The following KIAA1755 variants were observed in gnomAD, a reference collection of about 807,000 sequenced individuals.
KIAA1755 encodes uncharacterized protein KIAA1755.
KIAA1755 carries 68 observed loss-of-function variants against 91.7 expected under a neutral mutation model. The ratio of observed to expected loss-of-function variants is 0.74; its 90% CI spans 0.61 to 0.91. KIAA1755 has a LOEUF of 0.91. Among genes scored for constraint, KIAA1755 ranks in the 40% least tolerant of loss-of-function variants. The pLI is 0.00. For missense variants in KIAA1755, 1,535 were observed against 1,494.4 expected (o/e 1.03, Z -0.45); for synonymous variants, 610 against 604.6 (o/e 1.01, Z -0.13).
chr20:38,248,234 AT>A (rs1282618529), intron 1 of KIAA1755, among the ~76,000 whole-genome samples: 2 of 152,214 alleles, frequency 1.3e-5, no homozygotes, highest in African/African-American at 2.4e-5. Flanking sequence ...ATAAAATAAA[AT>A]AATAAATAAA....
At chr20:38,246,258 C>A in intron 1 of KIAA1755, 132 bp from the exon 2 acceptor site, 1 of 711,884 alleles carries the variant, frequency 1.4e-6, no homozygotes, top group Non-Finnish European at 2.3e-6. Context: ...CCCCACCCCC[C>A]TCACTCATCA....
rs146908582 is a variant in KIAA1755 at position 38,212,820 on chromosome 20, C to T, written c.*222G>A. The T allele has an allele frequency of 7.1e-4, 344 of 487,478 alleles. No individual in the cohort carries two copies. Among genetic ancestry groups the T allele is most frequent in the African/African-American group, 3.8e-3 (201 of 52,828 alleles). 30.2% of individuals were successfully genotyped at this position (487,478 alleles called of 1,614,324 possible). On this transcript the variant is annotated 3_prime_UTR_variant, in exon 14 of 14. Coordinates refer to ENST00000279024, the MANE Select transcript of KIAA1755 (RefSeq NM_001029864.2). ...ACCATTTATTGTGCCCTGGTTCTGA[C>T]GCCCACTCTTGCTATTCTGCATGGG...
intron 8 of KIAA1755, 25 bp downstream of exon 8, chr20:38,225,640 G>A (rs2075742637): frequency 3.6e-6 from 5 of 1,404,638 alleles, no homozygotes; most frequent in African/African-American, 2.8e-5. Context: ...GGGGGTCAGG[G>A]GCTAAAGGCT....
At chr20:38,260,347 G>T (rs763033754) in intron 1 of KIAA1755, 151 bp downstream of exon 1, 43 of 1,573,634 alleles carry the variant, frequency 2.7e-5, no homozygotes, top group Non-Finnish European at 3.5e-5. Context: ...CCCTGCTGGG[G>T]TGGAAGCAGG....
chr20:38,240,457 G>A, intron 3 of KIAA1755, 125 bp downstream of exon 3: 1 of 949,840 alleles, frequency 1.1e-6, no homozygotes, highest in Non-Finnish European at 1.5e-6. Flanking sequence ...ATGCCACACT[G>A]TATACTAAAC....
At chr20:38,222,916 A>G in intron 9 of KIAA1755, 1 of 426,370 alleles carries the variant, frequency 2.3e-6, no homozygotes, top group Non-Finnish European at 4.4e-6. Flanking sequence ...TGCAAATCTG[A>G]TAACCCCTGG....
chr20:38,225,711 T>A lies in KIAA1755; in HGVS notation c.2123A>T (p.Glu708Val). 6.2e-7 allele frequency: 1 copy of A among 1,612,696 alleles called. No individual in the cohort carries two copies. Residue 708 changes from glutamate to valine, a missense_variant, in exon 8 of 14, where the codon GAA (glutamate) becomes GTA (valine). Glu to Val is a moderately radical substitution (Grantham distance 121). Transcript: ENST00000279024. ...VDPSQLPAVL[E>V]GPFPYCHTEW... ...GGTGTGGCAGTAGGGGAAGGGGCCT[T>A]CCAGGACTGCGGGCAGCTGGCTGGG... is the stretch of plus-strand genomic sequence containing the variant.
At position 38,245,544 on chromosome 20, in the gene KIAA1755, G is replaced by T. The variant is rs560526057; in HGVS notation, c.201+385C>A. On this transcript the variant is annotated intron_variant, in intron 2 of 13. Transcript: ENST00000279024. The stretch of plus-strand genomic sequence containing the variant: ...AAGCAAGAGTCCTGATGCCTCAGGG[G>T]CTCCAGGGAAGCTCTAGGACCTTCT... Among the ~76,000 whole-genome samples, 150 of 152,336 alleles carry T rather than the reference G, an allele frequency of 9.8e-4. 2 individuals carry two copies. Among genetic ancestry groups the T allele is most frequent in the African/African-American group, 3.5e-3 (145 of 41,572 alleles).
In KIAA1755 at chr20:38,213,217, T is replaced by C. The variant is rs765581912; in HGVS notation, c.3428A>G (p.His1143Arg). ...CTCGCGGGCAGGGTCAGGCAGCTTG[T>C]GGGAGCCTTTGCCGTCTTCAGCCTC... Reference protein sequence around the residue: ...AAEAEDGKGSHKLPDPAREHL... With the variant: ...AAEAEDGKGSRKLPDPAREHL... Residue 1143 changes from histidine to arginine, a missense_variant, in exon 14 of 14, where the codon CAC becomes CGC. Coordinates refer to ENST00000279024, the MANE Select transcript of KIAA1755 (RefSeq NM_001029864.2). 3 of 1,613,340 alleles carry C rather than the reference T, an allele frequency of 1.9e-6. No homozygotes were observed. The highest frequency in any genetic ancestry group is 2.5e-6 in the Non-Finnish European group (3 of 1,180,000).
chr20:38,227,638 A>C (rs535715333), intron 6 of KIAA1755, among the ~76,000 whole-genome samples: 1 of 152,208 alleles, frequency 6.6e-6, no homozygotes, highest in Non-Finnish European at 1.5e-5. Flanking sequence ...TGAGCCAATC[A>C]GTGTGTTGCA....
At chr20:38,224,929 C>T (rs2075728578) in intron 8 of KIAA1755, among the ~76,000 whole-genome samples, 1 of 152,178 alleles carries the variant, frequency 6.6e-6, no homozygotes, top group Admixed American at 6.5e-5. Context: ...TAGGAGGGAA[C>T]CAGACCCTGA....
chr20:38,219,503 G>A, intron 11 of KIAA1755, 127 bp downstream of exon 11: 1 of 1,307,940 alleles, frequency 7.6e-7, no homozygotes, highest in Non-Finnish European at 1.1e-6. Context: ...GGCCTTTGAA[G>A]GATCGCCAGC....
At position 38,260,575 on chromosome 20, in the gene KIAA1755, G is replaced by A. The variant is rs940689348; in HGVS notation, c.-75C>T. The stretch of plus-strand genomic sequence containing the variant: ...GGTCTGTGGGTCCGCGGGTCCGTCT[G>A]TCTGGGGCAGCCCTCGGTCCCGCCT... On this transcript the variant is annotated 5_prime_UTR_variant, in exon 1 of 14. Coordinates refer to ENST00000279024, the MANE Select transcript of KIAA1755 (RefSeq NM_001029864.2). 8.8e-6 allele frequency: 13 copies of A among 1,472,044 alleles called. No homozygotes were observed. Among genetic ancestry groups the A allele is most frequent in the Non-Finnish European group, 1.2e-5 (13 of 1,114,084 alleles). The allele number at this position is 1,472,044 out of a possible 1,614,324, so 91.2% of individuals were successfully genotyped here.
chr20:38,254,963 T>C (rs1374416099), intron 1 of KIAA1755, among the ~76,000 whole-genome samples: 4 of 151,472 alleles, frequency 2.6e-5, no homozygotes, highest in Admixed American at 2.6e-4. Context: ...GATCACCTGA[T>C]GTCAGGAGTT....
chr20:38,235,225 C>T (rs912036747), intron 4 of KIAA1755, among the ~76,000 whole-genome samples: 3 of 152,146 alleles, frequency 2.0e-5, no homozygotes, highest in Admixed American at 6.5e-5. Flanking sequence ...CAACTGAGAG[C>T]TCAGGGTGAG....
At chr20:38,248,152 C>G (rs1393177123) in intron 1 of KIAA1755, among the ~76,000 whole-genome samples, 1 of 152,212 alleles carries the variant, frequency 6.6e-6, no homozygotes, top group Non-Finnish European at 1.5e-5. Flanking sequence ...TTGCTTGAAC[C>G]TGGGAGATGG....
chr20:38,240,816 T>A lies in KIAA1755; in HGVS notation c.1315A>T (p.Ile439Leu). The change falls in exon 3 of 14, where the codon ATA becomes TTA. Residue 439 changes from isoleucine to leucine, a missense_variant. Coordinates refer to ENST00000279024, the MANE Select transcript of KIAA1755 (RefSeq NM_001029864.2). ...TTTCTCTCTTTGGTCTTCACCTCTA[T>A]CTTTGTTTCAGAGGCTGCAGCTGCA... ...SPAAAASETK[I>L]EVKTKERNGR... 2 of 1,613,902 alleles carry A rather than the reference T, an allele frequency of 1.2e-6. No homozygotes were observed. Among genetic ancestry groups the A allele is most frequent in the Non-Finnish European group, 1.7e-6 (2 of 1,179,912 alleles).
In KIAA1755 at chr20:38,246,143, G is replaced by T; in HGVS notation, c.4-17C>A. The T allele has an allele frequency of 6.2e-7, 1 of 1,604,910 alleles. No homozygotes were observed. Among genetic ancestry groups the T allele is most frequent in the South Asian group, 1.1e-5 (1 of 90,554 alleles). ...TGGAGGGTCCTGTGGGGGACAGGAG[G>T]AGGGGGTGATAATAGCAATGATAAT... On this transcript the variant is annotated splice_polypyrimidine_tract_variant and intron_variant, in intron 1 of 13. Transcript: ENST00000279024.
Position 38,241,893 on chromosome 20 carries a change from A to G in KIAA1755, c.238T>C (p.Trp80Arg). ...ACTTCATCCCTCAGACAGAGTGGCC[A>G]GCCCTCGTGTAAGAAGAGGCAGTGT... ...YSHCLFLHEG[W>R]PLCLRDEVVV... Residue 80 changes from tryptophan (W) to arginine (R), a missense_variant, in exon 3 of 14, where the codon TGG becomes CGG. Physicochemically the swap from Trp to Arg is moderately radical, Grantham distance 101 (BLOSUM62 -3). Transcript: ENST00000279024. 1 of 1,613,748 alleles carries G rather than the reference A, an allele frequency of 6.2e-7. No individual in the cohort carries two copies. Among genetic ancestry groups the G allele is most frequent in the Non-Finnish European group, 8.5e-7 (1 of 1,179,964 alleles).
Sources: allele counts gnomAD v4.1 joint callset (sites outside exome capture counted in the v4.1 genomes callset), GRCh38; gene constraint gnomAD v4.1.1; transcripts MANE v1.5; gene names NCBI Gene and HGNC (gene_info 2026-07-23, HGNC 2026-07-21).